The following MACROD2 variants were observed in gnomAD, a reference collection of about 807,000 sequenced individuals.
MACROD2 encodes ADP-ribose glycohydrolase MACROD2.
A neutral mutation model predicts 70.4 loss-of-function variants in MACROD2; 36 were observed. The ratio of observed to expected loss-of-function variants is 0.51; its 90% confidence interval spans 0.39 to 0.68. MACROD2 has a LOEUF of 0.68. Among genes scored for constraint, MACROD2 ranks in the 30% least tolerant of loss-of-function variants. The probability of loss-of-function intolerance (pLI) is 0.00; values close to 1 mark genes in which losing one functional copy is unlikely to be tolerated. For synonymous variants in MACROD2, 172 were observed against 178.8 expected, an observed-to-expected ratio of 0.96 and a Z score of 0.30; for missense variants, 496 against 538.4, an observed-to-expected ratio of 0.92 and a Z score of 0.78.
At chr20:15,172,413 T>C (rs1167236696) in intron 5 of MACROD2, among the ~76,000 whole-genome samples, 1 of 152,196 alleles carries the variant, frequency 6.6e-6, no homozygotes, top group African/African-American at 2.4e-5. Flanking sequence ...TCTTTCCTTT[T>C]TTATTTTAGA....
At chr20:14,275,658 G>T (rs1347737727) in intron 3 of MACROD2, among the ~76,000 whole-genome samples, 1 of 152,102 alleles carries the variant, frequency 6.6e-6, no homozygotes, top group Admixed American at 6.6e-5. Flanking sequence ...AAGAGCTTCT[G>T]CACAGCAAAA....
intron 2 of MACROD2, among the ~76,000 whole-genome samples, chr20:14,081,826 T>C (rs1295313689): frequency 6.6e-6 from 1 of 152,234 alleles, no homozygotes; most frequent in Non-Finnish European, 1.5e-5. Flanking sequence ...CCTTTAAGTA[T>C]GTACATATCT....
At chr20:14,814,576 A>C (rs2072752097) in intron 5 of MACROD2, among the ~76,000 whole-genome samples, 1 of 152,168 alleles carries the variant, frequency 6.6e-6, no homozygotes, top group South Asian at 2.1e-4. Flanking sequence ...ATCAGTAGAG[A>C]GAAATGGGTG....
intron 8 of MACROD2, among the ~76,000 whole-genome samples, chr20:15,580,807 G>A (rs150941145): frequency 1.3e-3 from 201 of 152,266 alleles, no homozygotes; most frequent in African/African-American, 4.7e-3. Flanking sequence ...CTTCTTAGGG[G>A]AAAGGGGAGG....
intron 8 of MACROD2, among the ~76,000 whole-genome samples, chr20:15,562,551 G>A (rs1568894208): frequency 6.6e-6 from 1 of 152,184 alleles, no homozygotes. Flanking sequence ...TTGTGTGTGT[G>A]TGTTACAGGC....
intron 15 of MACROD2, among the ~76,000 whole-genome samples, chr20:16,001,513 C>A (rs1415870651): frequency 6.6e-6 from 1 of 152,096 alleles, no homozygotes; most frequent in African/African-American, 2.4e-5. Flanking sequence ...TAATATCATC[C>A]CATTGTTTGA....
chr20:14,663,517 TATACACACACACAC>T (rs1399161659), intron 4 of MACROD2, among the ~76,000 whole-genome samples: 1 of 114,014 alleles, frequency 8.8e-6, no homozygotes, highest in African/African-American at 4.5e-5. Context: ...AACAGGGATG[TATACACACACACAC>T]ACACACACAC....
chr20:15,904,309 G>A (rs772428281), intron 10 of MACROD2, among the ~76,000 whole-genome samples: 25 of 151,934 alleles, frequency 1.6e-4, no homozygotes, highest in Non-Finnish European at 2.5e-4. Context: ...GTGAGCAACC[G>A]TGCCCAGCCC....
intron 5 of MACROD2, among the ~76,000 whole-genome samples, chr20:14,982,344 A>C (rs1275700699): frequency 6.6e-6 from 1 of 152,184 alleles, no homozygotes; most frequent in African/African-American, 2.4e-5. Context: ...TTCTGAGGAG[A>C]AATTCAAGCT....
At chr20:14,998,472 A>G (rs937801456) in intron 5 of MACROD2, among the ~76,000 whole-genome samples, 1 of 152,194 alleles carries the variant, frequency 6.6e-6, no homozygotes, top group Non-Finnish European at 1.5e-5. Context: ...GAAAAATTCA[A>G]CCAATATACC....
chr20:15,177,100 CCT>C (rs1340755388), intron 5 of MACROD2, among the ~76,000 whole-genome samples: 1 of 152,188 alleles, frequency 6.6e-6, no homozygotes, highest in East Asian at 1.9e-4. Context: ...TGCCCACACA[CCT>C]CTCACTTCTC....
At chr20:15,298,931 C>CA (rs1397539818) in intron 6 of MACROD2, among the ~76,000 whole-genome samples, 2 of 152,262 alleles carry the variant, frequency 1.3e-5, no homozygotes, top group East Asian at 3.9e-4. Context: ...CCCCAGGTCA[C>CA]AAAGCTATTA....
At chr20:14,915,009 A>T (rs921848500) in intron 5 of MACROD2, among the ~76,000 whole-genome samples, 3 of 152,214 alleles carry the variant, frequency 2.0e-5, no homozygotes, top group Non-Finnish European at 2.9e-5. Context: ...ATCCTACTTT[A>T]TGTAATCTGG....
chr20:14,780,527 A>G (rs1330346967), intron 5 of MACROD2, among the ~76,000 whole-genome samples: 1 of 146,732 alleles, frequency 6.8e-6, no homozygotes, highest in Non-Finnish European at 1.5e-5. Context: ...ACTCCATTGC[A>G]CTCCAGCCTG....
intron 8 of MACROD2, among the ~76,000 whole-genome samples, chr20:15,646,776 T>C (rs2049552556): frequency 6.6e-6 from 1 of 152,212 alleles, no homozygotes; most frequent in Non-Finnish European, 1.5e-5. Flanking sequence ...AAAGGTGCCT[T>C]GCTTCTCCTT....
At chr20:14,289,749 C>T (rs1261321794) in intron 3 of MACROD2, among the ~76,000 whole-genome samples, 1 of 152,106 alleles carries the variant, frequency 6.6e-6, no homozygotes, top group African/African-American at 2.4e-5. Context: ...ACTATGTTGC[C>T]CAGTCTGGTC....
chr20:15,996,755 G>A (rs2066637578), intron 15 of MACROD2, among the ~76,000 whole-genome samples: 1 of 151,834 alleles, frequency 6.6e-6, no homozygotes, highest in Non-Finnish European at 1.5e-5. Context: ...TGCTTTTGAT[G>A]TCATGTCCAA....
At chr20:14,127,813 A>G in intron 3 of MACROD2, 1 of 462,912 alleles carries the variant, frequency 2.2e-6, no homozygotes, top group South Asian at 1.8e-5. Flanking sequence ...GAGAAAGGAG[A>G]GAAGGAGAAA....
intron 6 of MACROD2, among the ~76,000 whole-genome samples, chr20:15,368,872 G>C (rs774010707): frequency 5.9e-5 from 9 of 152,162 alleles, no homozygotes; most frequent in Non-Finnish European, 8.8e-5. Context: ...GTTCATTAGT[G>C]TTTGATATAT....
Sources: allele counts gnomAD v4.1 joint callset (sites outside exome capture counted in the v4.1 genomes callset), GRCh38; gene constraint gnomAD v4.1.1; transcripts MANE v1.5; gene names NCBI Gene and HGNC (gene_info 2026-07-23, HGNC 2026-07-21).